Variants in IQCM observed in about 807,000 individuals in gnomAD.
The protein encoded by IQCM is IQ domain-containing protein M.
In IQCM, 45 loss-of-function variants were observed where a neutral mutation model predicts 57.6. That is an observed-to-expected ratio of 0.78 (90% CI 0.62 to 1.00). IQCM has a LOEUF of 1.00. IQCM is among the 50% of genes least tolerant of loss of function. IQCM has a pLI of 0.00. For missense variants in IQCM, 468 were observed against 511.6 expected (o/e 0.91, Z 0.82); for synonymous variants, 148 against 158.9 (o/e 0.93, Z 0.51).
intron 7 of IQCM, among the ~76,000 whole-genome samples, chr4:149,675,822 G>A (rs1761703196): frequency 1.3e-5 from 2 of 151,890 alleles, no homozygotes; most frequent in Non-Finnish European, 2.9e-5. Flanking sequence ...ATGTAGAGAT[G>A]TTTTTAATAT....
chr4:149,386,173 C>T (rs1488429217), intron 13 of IQCM, among the ~76,000 whole-genome samples: 1 of 151,998 alleles, frequency 6.6e-6, no homozygotes, highest in Non-Finnish European at 1.5e-5. Flanking sequence ...TTTACTATTA[C>T]TGTATAGCAT....
intron 9 of IQCM, among the ~76,000 whole-genome samples, chr4:149,582,730 A>G (rs1401285322): frequency 6.6e-6 from 1 of 151,602 alleles, no homozygotes; most frequent in East Asian, 2.0e-4. Flanking sequence ...TTCACCATAC[A>G]TTTATTTTCA....
chr4:149,654,602 T>C (rs1231959468), intron 7 of IQCM, among the ~76,000 whole-genome samples: 1 of 152,184 alleles, frequency 6.6e-6, no homozygotes, highest in South Asian at 2.1e-4. Context: ...TTTTTCCTTA[T>C]AAATTACCCA....
chr4:149,631,802 T>C (rs1441993220), intron 7 of IQCM, among the ~76,000 whole-genome samples: 2 of 152,322 alleles, frequency 1.3e-5, no homozygotes, highest in Non-Finnish European at 2.9e-5. Context: ...TTTTTCTCCA[T>C]ATCAATTGCC....
intron 12 of IQCM, chr4:149,514,749 A>G (rs558595333): frequency 2.8e-4 from 43 of 152,306 alleles, no homozygotes; most frequent in African/African-American, 8.9e-4. Flanking sequence ...GTGTCTGTGA[A>G]GGTGTTGGCA....
chr4:149,504,389 A>T (rs929507383), intron 12 of IQCM, among the ~76,000 whole-genome samples: 1 of 152,306 alleles, frequency 6.6e-6, no homozygotes, highest in Non-Finnish European at 1.5e-5. Context: ...ATTACAAATT[A>T]TGTGTCAGGT....
At chr4:149,783,597 A>C (rs963671994) in intron 2 of IQCM, among the ~76,000 whole-genome samples, 2 of 152,200 alleles carry the variant, frequency 1.3e-5, no homozygotes, top group Non-Finnish European at 2.9e-5. Flanking sequence ...TTGCCCTTTG[A>C]TATTCATGTC....
At chr4:149,688,003 G>A (rs888036270) in intron 5 of IQCM, among the ~76,000 whole-genome samples, 1 of 151,908 alleles carries the variant, frequency 6.6e-6, no homozygotes. Flanking sequence ...ATACTGAATA[G>A]GGAAAAGTTG....
rs372424889 is a variant in IQCM at position 149,559,639 on chromosome 4, A to T, written c.948+4053T>A. On this transcript the variant is annotated intron_variant, in intron 10 of 13. Transcript: ENST00000636793. ...TCACTAGACTATGTATGCTCTTCAC[A>T]CACCAGGCAGGAAATTGGACCCAGT... 3.3e-5 allele frequency among the ~76,000 whole-genome samples: 5 copies of T among 152,336 alleles called. No homozygotes were observed. In the South Asian group the frequency reaches 1.0e-3, roughly 32 times the overall value.
chr4:149,525,898 A>G lies in IQCM; in HGVS notation c.1228+22557T>C, dbSNP rs146700747. On this transcript the variant is annotated intron_variant, in intron 12 of 13. Coordinates refer to ENST00000636793, the MANE Select transcript of IQCM (RefSeq NM_001363507.2). The stretch of plus-strand genomic sequence containing the variant: ...GGGTAAAATGTGCATCAGTAAGAAA[A>G]AGACAAATAAAAAATTAAAAAATAG... Among the ~76,000 whole-genome samples the G allele has an allele frequency of 3.6e-3, 549 of 151,984 alleles. 5 individuals carry two copies. Among genetic ancestry groups the G allele is most frequent in the African/African-American group, 0.012 (513 of 41,548 alleles).
intron 2 of IQCM, among the ~76,000 whole-genome samples, chr4:149,760,139 C>G (rs1421188594): frequency 3.3e-5 from 5 of 151,804 alleles, no homozygotes; most frequent in Non-Finnish European, 4.4e-5. Context: ...ACAAAATAGG[C>G]CCAGTTAAAG....
rs561703863 is a variant in IQCM, at chr4:149,378,125, C to T, written c.1391-26059G>A. Among the ~76,000 whole-genome samples, 3 of 152,248 alleles carry T rather than the reference C, an allele frequency of 2.0e-5. No homozygotes were observed. The East Asian group carries it at 5.8e-4, about 29-fold the overall frequency. ...CTTGTCTGCCAGCATGTAAGATGTG[C>T]CTTTCATCTTCTGTCATGATTATGA... On this transcript the variant is annotated intron_variant, in intron 13 of 13. Coordinates refer to ENST00000636793, the MANE Select transcript of IQCM (RefSeq NM_001363507.2).
At position 149,500,887 on chromosome 4, in the gene IQCM, T is replaced by G. The variant is rs78362905; in HGVS notation, c.1228+47568A>C. Among the ~76,000 whole-genome samples the G allele has an allele frequency of 5.9e-5, 9 of 152,312 alleles. No individual in the cohort carries two copies. The East Asian group carries it at 1.7e-3, about 29-fold the overall frequency. On this transcript the variant is annotated intron_variant, in intron 12 of 13. Transcript: ENST00000636793. Reference sequence around the variant, plus strand: ...TCACATGATATTTTAGGATATAATGTAAAAAGAGATAGAACAATGACATAA... The same window carrying G: ...TCACATGATATTTTAGGATATAATGGAAAAAGAGATAGAACAATGACATAA...
chr4:149,650,542 G>A (rs1305469719), intron 7 of IQCM, among the ~76,000 whole-genome samples: 3 of 151,568 alleles, frequency 2.0e-5, no homozygotes, highest in Non-Finnish European at 4.4e-5. Context: ...ACAAGTACCT[G>A]CCATGCCTGG....
chr4:149,478,743 C>T (rs780754358), intron 12 of IQCM, among the ~76,000 whole-genome samples: 2 of 152,046 alleles, frequency 1.3e-5, no homozygotes, highest in Admixed American at 6.6e-5. Context: ...TGAGAATCTA[C>T]AAGAGTCTTT....
intron 12 of IQCM, among the ~76,000 whole-genome samples, chr4:149,527,175 C>A (rs1043163330): frequency 1.3e-5 from 2 of 152,092 alleles, no homozygotes. Flanking sequence ...GCCACACATA[C>A]CAAAGCAGAT....
intron 7 of IQCM, among the ~76,000 whole-genome samples, chr4:149,677,424 C>T (rs1303025729): frequency 6.6e-6 from 1 of 152,032 alleles, no homozygotes; most frequent in Non-Finnish European, 1.5e-5. Context: ...GAGTAGCACT[C>T]CAAACACTTG....
At chr4:149,599,641 T>A (rs1754088624) in intron 8 of IQCM, among the ~76,000 whole-genome samples, 1 of 152,092 alleles carries the variant, frequency 6.6e-6, no homozygotes, top group East Asian at 1.9e-4. Context: ...TCCTTGAGCT[T>A]AAATTGAGCA....
At chr4:149,538,195 A>G (rs1335860551) in intron 12 of IQCM, among the ~76,000 whole-genome samples, 1 of 151,778 alleles carries the variant, frequency 6.6e-6, no homozygotes, top group East Asian at 1.9e-4. Flanking sequence ...CTATATTGCT[A>G]GGCTTATAAA....
Sources: allele counts gnomAD v4.1 joint callset (sites outside exome capture counted in the v4.1 genomes callset), GRCh38; gene constraint gnomAD v4.1.1; transcripts MANE v1.5; gene names NCBI Gene and HGNC (gene_info 2026-07-23, HGNC 2026-07-21).